The following ZNF875 variants were observed in gnomAD, a reference collection of about 807,000 sequenced individuals.
The protein encoded by ZNF875 is HKR1, GLI-Kruppel zinc finger family member.
ZNF875 carries 14 observed loss-of-function variants against 11.2 expected under a neutral mutation model. The observed-to-expected ratio is 1.26, with a 90% CI of 0.83 to 1.96. ZNF875 has a LOEUF of 1.96. ZNF875 is among the 30% of genes most tolerant of loss of function. The pLI, the probability that ZNF875 is intolerant of heterozygous loss-of-function variation, is 0.00. For missense variants in ZNF875, 752 were observed against 760.4 expected, an observed-to-expected ratio of 0.99 and a Z score of 0.13; for synonymous variants, 301 against 281.1, an observed-to-expected ratio of 1.07 and a Z score of -0.71.
chr19:37,328,455 G>C (rs1257093510), intron 4 of ZNF875: 1 of 152,176 alleles, frequency 6.6e-6, no homozygotes, highest in Non-Finnish European at 1.5e-5. Context: ...ATGGATGAAG[G>C]TAGGGTGGGT....
chr19:37,350,710 C>G (rs1555807196), intron 4 of ZNF875, among the ~76,000 whole-genome samples: 1 of 151,058 alleles, frequency 6.6e-6, no homozygotes, highest in Non-Finnish European at 1.5e-5. Context: ...TCTTCTATCA[C>G]TACAAAGAAA....
chr19:37,317,943 C>T (rs766110733), exon 1 of ZNF875: 2 of 155,180 alleles, frequency 1.3e-5, no homozygotes, highest in Admixed American at 6.5e-5. Context: ...TGCACAGTGG[C>T]CAGTGTGATT....
chr19:37,348,485 A>C (rs916670939), intron 4 of ZNF875, among the ~76,000 whole-genome samples: 1 of 152,158 alleles, frequency 6.6e-6, no homozygotes, highest in Non-Finnish European at 1.5e-5. Flanking sequence ...GAATCGCTAA[A>C]TCATCTATAT....
intron 1 of ZNF875, among the ~76,000 whole-genome samples, chr19:37,320,701 G>A (rs1345607975): frequency 6.6e-6 from 1 of 152,162 alleles, no homozygotes; most frequent in Non-Finnish European, 1.5e-5. Context: ...CTGATACCTG[G>A]CTTGGGATGT....
intron 2 of ZNF875, among the ~76,000 whole-genome samples, chr19:37,341,370 G>C (rs2035685290): frequency 6.6e-6 from 1 of 152,176 alleles, no homozygotes; most frequent in African/African-American, 2.4e-5. Flanking sequence ...CTGGCATTTT[G>C]ACCAGGGCTG....
intron 2 of ZNF875, among the ~76,000 whole-genome samples, chr19:37,336,323 C>T (rs2034400023): frequency 6.9e-6 from 1 of 144,856 alleles, no homozygotes; most frequent in Non-Finnish European, 1.5e-5. Context: ...TTTTTGAGAC[C>T]GAGTCTCACT....
Position 37,362,655 on chromosome 19 carries a change from T to C in ZNF875, c.803T>C (p.Val268Ala), listed in dbSNP as rs746060051. The change falls in exon 5 of 5, where the codon GTC becomes GCC. Residue 268 changes from valine (V) to alanine (A), a missense_variant. Coordinates refer to ENST00000392153, the MANE Select transcript of ZNF875 (RefSeq NM_001353803.2). The part of the protein sequence containing the change: ...EWGDSFGSMS[V>A]LIKNPRTHSG... ...GGAGACAGCTTTGGCAGTATGTCAG[T>C]CCTCATCAAAAACCCAAGGACACAC... The C allele has an allele frequency of 6.2e-7, 1 of 1,613,054 alleles. No individual in the cohort carries two copies. The highest frequency in any genetic ancestry group is 1.1e-5 in the South Asian group (1 of 90,896).
At position 37,363,114 on chromosome 19, in the gene ZNF875, C is replaced by G. The variant is rs2040246150; in HGVS notation, c.1262C>G (p.Pro421Arg). Reference protein sequence around the residue: ...RHLRTHTGEKPYVCTECGRHF... With the variant: ...RHLRTHTGEKRYVCTECGRHF... ...TTAAGGACACACACAGGAGAGAAGC[C>G]TTATGTATGCACAGAATGTGGGCGT... The change falls in exon 5 of 5, where the codon CCT (proline) becomes CGT (arginine). Residue 421 changes from proline to arginine, a missense_variant. Transcript: ENST00000392153. 6.2e-7 allele frequency: 1 copy of G among 1,613,812 alleles called. No homozygotes were observed. The highest frequency in any genetic ancestry group is 8.5e-7 in the Non-Finnish European group (1 of 1,179,988).
intron 1 of ZNF875, among the ~76,000 whole-genome samples, chr19:37,318,524 CTTTT>C (rs1233207140): frequency 7.2e-6 from 1 of 139,022 alleles, no homozygotes. Flanking sequence ...TATTTGTTTT[CTTTT>C]TTTTTTTTTT....
chr19:37,341,355 G>T (rs1258361311), intron 2 of ZNF875, among the ~76,000 whole-genome samples: 1 of 152,198 alleles, frequency 6.6e-6, no homozygotes, highest in Non-Finnish European at 1.5e-5. Context: ...TTTTGCTGCA[G>T]TCGGCTGGCA....
At chr19:37,317,471 G>A (rs947032939), upstream of ZNF875, among the ~76,000 whole-genome samples, 12 of 152,198 alleles carry the variant, frequency 7.9e-5, no homozygotes, top group African/African-American at 2.9e-4. Context: ...ACCGCGCCTG[G>A]CACTAGCCTG....
At chr19:37,326,564 T>C (rs935197126) in intron 4 of ZNF875, among the ~76,000 whole-genome samples, 3 of 152,164 alleles carry the variant, frequency 2.0e-5, no homozygotes, top group African/African-American at 7.2e-5. Context: ...AATACAAGAA[T>C]GATTGTTTTC....
Position 37,362,749 on chromosome 19 carries a change from A to C in ZNF875, c.897A>C (p.Thr299=), listed in dbSNP as rs1400666447. 1 of 1,613,552 alleles carries C rather than the reference A, an allele frequency of 6.2e-7. No homozygotes were observed. Among genetic ancestry groups the C allele is most frequent in the African/African-American group, 1.3e-5 (1 of 74,972 alleles). ...RGFTWKSNLI[T]HQRTHSGEKP... is the part of the protein sequence containing the mutation. The stretch of plus-strand genomic sequence containing the variant: ...TTACGTGGAAGTCAAACCTGATCAC[A>C]CATCAGAGGACACACTCAGGGGAGA... The change falls in exon 5 of 5, where the codon ACA becomes ACC. Residue 299 remains threonine (T), a synonymous_variant. Transcript: ENST00000392153.
chr19:37,317,670 C>A (rs944276313), upstream of ZNF875, among the ~76,000 whole-genome samples: 1 of 152,204 alleles, frequency 6.6e-6, no homozygotes, highest in Non-Finnish European at 1.5e-5. Flanking sequence ...CTGAAATGCG[C>A]AAGAAAGTTT....
chr19:37,343,843 A>G (rs1044797159), intron 2 of ZNF875, among the ~76,000 whole-genome samples: 6 of 152,202 alleles, frequency 3.9e-5, no homozygotes, highest in East Asian at 1.9e-4. Flanking sequence ...CTGGTTAGAT[A>G]CAATGCTTTT....
At position 37,362,684 on chromosome 19, in the gene ZNF875, G is replaced by A. The variant is rs139305805; in HGVS notation, c.832G>A (p.Gly278Arg). The change falls in exon 5 of 5, where the codon GGG (glycine) becomes AGG (arginine). Residue 278 changes from glycine to arginine, a missense_variant. Transcript: ENST00000392153. Reference protein sequence around the residue: ...VLIKNPRTHSGGKPYVCRECG... With the variant: ...VLIKNPRTHSRGKPYVCRECG... ...CATCAAAAACCCAAGGACACACTCT[G>A]GGGGAAAGCCTTATGTGTGCAGGGA... 9.8e-5 allele frequency: 158 copies of A among 1,613,054 alleles called. No individual in the cohort carries two copies. Among genetic ancestry groups the A allele is most frequent in the Non-Finnish European group, 1.3e-4 (152 of 1,179,532 alleles).
chr19:37,357,869 T>C (rs2146572232), intron 4 of ZNF875: 1 of 398,080 alleles, frequency 2.5e-6, no homozygotes, highest in African/African-American at 2.1e-5. Flanking sequence ...CTTTTATTTC[T>C]CTGTCTTGCA....
At chr19:37,325,379 T>C (rs1480835535) in intron 4 of ZNF875, among the ~76,000 whole-genome samples, 1 of 152,152 alleles carries the variant, frequency 6.6e-6, no homozygotes, top group African/African-American at 2.4e-5. Context: ...TGCTTTCCAA[T>C]AGAAATACAA....
exon 1 of ZNF875, chr19:37,318,130 C>A (rs1442192195): frequency 1.9e-5 from 3 of 154,100 alleles, no homozygotes; most frequent in Admixed American, 6.5e-5. Flanking sequence ...CGTGGGCGCC[C>A]GCACTGACTG....
Sources: allele counts gnomAD v4.1 joint callset (sites outside exome capture counted in the v4.1 genomes callset), GRCh38; gene constraint gnomAD v4.1.1; transcripts MANE v1.5; gene names NCBI Gene and HGNC (gene_info 2026-07-23, HGNC 2026-07-21).